Variants in PLCE1 observed in about 807,000 individuals in gnomAD.
PLCE1 encodes the protein phospholipase C epsilon 1, also known as 1-phosphatidylinositol 4,5-bisphosphate phosphodiesterase epsilon-1.
PLCE1 carries 119 observed loss-of-function variants against 242.8 expected under a neutral mutation model. That is an observed-to-expected ratio of 0.49 (90% CI 0.42 to 0.57). The LOEUF is 0.57. Ranked by LOEUF, PLCE1 falls within the 20% of genes least tolerant of loss-of-function variation. PLCE1 has a pLI of 0.00. For missense variants in PLCE1, 2,441 were observed against 2,788.8 expected, an observed-to-expected ratio of 0.88 and a Z score of 2.81; for synonymous variants, 945 against 1,017.4, an observed-to-expected ratio of 0.93 and a Z score of 1.35.
At chr10:94,315,470 C>A in intron 28 of PLCE1, 5 of 456,004 alleles carry the variant, frequency 1.1e-5, no homozygotes, top group South Asian at 7.7e-5. Context: ...GTAACCTGTA[C>A]AATATGAGTG....
Position 94,316,825 on chromosome 10 carries a change from C to T in PLCE1, c.6342+69C>T, listed in dbSNP as rs79848359. On this transcript the variant is annotated intron_variant, in intron 29 of 32. Coordinates refer to ENST00000371380, the MANE Select transcript of PLCE1 (RefSeq NM_016341.4). ...GTGATTAGCCATTTACCACTCACAACCTCCCTGAAATTCAGAATTTCTTGT... is the reference window on the plus strand; with the variant it reads ...GTGATTAGCCATTTACCACTCACAATCTCCCTGAAATTCAGAATTTCTTGT... 9.5e-3 allele frequency: 10,912 copies of T among 1,149,960 alleles called. 84 individuals carry two copies. The highest frequency in any genetic ancestry group is 0.012 in the Non-Finnish European group (8,913 of 759,908). The allele number at this position is 1,149,960 out of a possible 1,614,324, so 71.2% of individuals were successfully genotyped here.
In PLCE1 at chr10:94,243,873, A is replaced by G. The variant is rs146486887; in HGVS notation, c.2421-2073A>G. 3.5e-3 allele frequency among the ~76,000 whole-genome samples: 532 copies of G among 152,352 alleles called. 4 individuals are homozygous for G. The highest frequency in any genetic ancestry group is 0.012 in the African/African-American group (510 of 41,574). On this transcript the variant is annotated intron_variant, in intron 7 of 32. Transcript: ENST00000371380. ...TTTACAGAAATGTATGTATTTATGT[A>G]TCACAAATACATACCATATGCATTC...
rs1362928816 is a variant in PLCE1 at position 94,316,531 on chromosome 10, TTCAC to T, written c.6133-14_6133-11del. 6.3e-7 allele frequency: 1 copy of T among 1,578,290 alleles called. No homozygotes were observed. Among genetic ancestry groups the T allele is most frequent in the Non-Finnish European group, 8.7e-7 (1 of 1,149,862 alleles). ...TTTTTGCCTCACTCCTCAGTTTGCC[TTCAC>T]TTTTTCTTTAGATTCTGACAAATGA... On this transcript the variant is annotated splice_polypyrimidine_tract_variant and intron_variant, in intron 28 of 32. Coordinates refer to ENST00000371380, the MANE Select transcript of PLCE1 (RefSeq NM_016341.4).
In PLCE1 at chr10:94,048,482, A is replaced by T. The variant is rs2043661972; in HGVS notation, c.1206+16230A>T. On this transcript the variant is annotated intron_variant, in intron 2 of 32. Coordinates refer to ENST00000371380, the MANE Select transcript of PLCE1 (RefSeq NM_016341.4). ...TTCAACTTGTTATTTTGCCAATCAA[A>T]TGGATTAAAAAATATTTCTTTGTTT... 2.0e-5 allele frequency among the ~76,000 whole-genome samples: 3 copies of T among 151,948 alleles called. No individual in the cohort carries two copies. The South Asian group carries it at 6.2e-4, about 32-fold the overall frequency.
At chr10:94,029,560 C>T (rs1564633290) in intron 1 of PLCE1, among the ~76,000 whole-genome samples, 1 of 152,066 alleles carries the variant, frequency 6.6e-6, no homozygotes, top group Admixed American at 6.6e-5. Flanking sequence ...CACTGCTGCT[C>T]TGTGTGGGCT....
At chr10:94,056,969 C>T (rs918070095) in intron 2 of PLCE1, among the ~76,000 whole-genome samples, 9 of 152,162 alleles carry the variant, frequency 5.9e-5, no homozygotes, top group African/African-American at 2.2e-4. Flanking sequence ...CATGTTACAG[C>T]ATATGTTAGT....
chr10:94,289,830 T>C (rs1366174638), intron 22 of PLCE1, among the ~76,000 whole-genome samples: 1 of 152,192 alleles, frequency 6.6e-6, no homozygotes, highest in Admixed American at 6.5e-5. Flanking sequence ...CTATCGACTT[T>C]ATAAACACTG....
intron 8 of PLCE1, among the ~76,000 whole-genome samples, chr10:94,248,422 A>G (rs2050762568): frequency 2.0e-5 from 3 of 152,124 alleles, no homozygotes; most frequent in Non-Finnish European, 4.4e-5. Flanking sequence ...CCAACATGGC[A>G]AAATCCCGCC....
intron 2 of PLCE1, among the ~76,000 whole-genome samples, chr10:94,066,817 G>T (rs1400434459): frequency 1.3e-5 from 2 of 152,136 alleles, no homozygotes; most frequent in Non-Finnish European, 2.9e-5. Context: ...TTCATGGTTT[G>T]TTATCTCAGC....
chr10:94,233,880 A>C (rs1307857164), intron 5 of PLCE1, among the ~76,000 whole-genome samples, 174 bp from the exon 6 acceptor site: 1 of 152,006 alleles, frequency 6.6e-6, no homozygotes, highest in Non-Finnish European at 1.5e-5. Context: ...CCCAGGAGGC[A>C]GAGGTTGCAG....
At chr10:94,163,215 A>G (rs1417478387) in intron 3 of PLCE1, among the ~76,000 whole-genome samples, 2 of 152,120 alleles carry the variant, frequency 1.3e-5, no homozygotes, top group Non-Finnish European at 2.9e-5. Flanking sequence ...TATCCTTGTT[A>G]ACCTTCTGTC....
intron 4 of PLCE1, among the ~76,000 whole-genome samples, chr10:94,197,658 T>C (rs1262137743): frequency 6.6e-6 from 1 of 152,216 alleles, no homozygotes; most frequent in East Asian, 1.9e-4. Context: ...TCTGGCAATA[T>C]TTCTGACAAT....
intron 24 of PLCE1, among the ~76,000 whole-genome samples, chr10:94,300,932 G>T (rs983238805): frequency 6.6e-6 from 1 of 152,136 alleles, no homozygotes; most frequent in African/African-American, 2.4e-5. Flanking sequence ...GGGCTTGGCG[G>T]TGTATGCCTG....
intron 14 of PLCE1, 27 bp downstream of exon 14, chr10:94,262,759 T>A (rs2051348413): frequency 7.4e-7 from 1 of 1,343,506 alleles, no homozygotes; most frequent in African/African-American, 1.4e-5. Context: ...TGTGTGCATG[T>A]GTGTGTGATG....
At chr10:94,131,297 A>C (rs1316834005) in intron 2 of PLCE1, among the ~76,000 whole-genome samples, 2 of 152,230 alleles carry the variant, frequency 1.3e-5, no homozygotes, top group East Asian at 1.9e-4. Context: ...ATAATGTCAA[A>C]CCTTATAATT....
chr10:94,226,831 C>CTCTCT (rs67656949), intron 4 of PLCE1, among the ~76,000 whole-genome samples: 427 of 101,802 alleles, frequency 4.2e-3, no homozygotes, highest in East Asian at 0.011. Flanking sequence ...ACCTATAGGT[C>CTCTCT]TTTTTTTTTT....
At chr10:93,998,201 A>G (rs899943886) in intron 1 of PLCE1, among the ~76,000 whole-genome samples, 13 of 152,240 alleles carry the variant, frequency 8.5e-5, no homozygotes, top group Non-Finnish European at 2.9e-5. Flanking sequence ...GGCAAGCCTC[A>G]GTGATCTCTT....
In PLCE1 at chr10:94,037,313, C is replaced by T. The variant is rs191273765; in HGVS notation, c.1206+5061C>T. The stretch of plus-strand genomic sequence containing the variant: ...GTCTGTTGTGTGCAAAGGGACCAAC[C>T]GCTAATAAATTCATCTTCTGAGTTG... On this transcript the variant is annotated intron_variant, in intron 2 of 32. Coordinates refer to ENST00000371380, the MANE Select transcript of PLCE1 (RefSeq NM_016341.4). 2.9e-4 allele frequency among the ~76,000 whole-genome samples: 44 copies of T among 152,194 alleles called. 1 individual carries two copies. The highest frequency in any genetic ancestry group is 2.8e-3 in the Admixed American group (43 of 15,284).
intron 24 of PLCE1, among the ~76,000 whole-genome samples, chr10:94,300,083 G>T (rs2052980744): frequency 6.6e-6 from 1 of 152,188 alleles, no homozygotes; most frequent in African/African-American, 2.4e-5. Context: ...TGTCCACCTG[G>T]TGCCATTGGT....
Sources: gnomAD v4.1 joint callset for allele counts (sites outside exome capture counted in the v4.1 genomes callset) on GRCh38, gnomAD v4.1.1 for gene constraint, MANE v1.5 for transcripts, NCBI Gene and HGNC (gene_info 2026-07-23, HGNC 2026-07-21) for gene names.